Variants in TRPM3 observed in about 807,000 individuals in gnomAD.
The protein encoded by TRPM3 is transient receptor potential cation channel subfamily M member 3.
TRPM3 carries 77 observed loss-of-function variants against 181.2 expected under a neutral mutation model. The observed-to-expected ratio is 0.42, with a 90% CI of 0.35 to 0.51. The LOEUF is 0.51. Among genes scored for constraint, TRPM3 ranks in the 20% least tolerant of loss-of-function variants. TRPM3 has a pLI of 0.01. For synonymous variants in TRPM3, 745 were observed against 796.4 expected, an observed-to-expected ratio of 0.94 and a Z score of 1.09; for missense variants, 1,759 against 2,196.7, an observed-to-expected ratio of 0.80 and a Z score of 3.98.
chr9:71,077,793 T>C (rs374752804), intron 1 of TRPM3, among the ~76,000 whole-genome samples: 16 of 152,176 alleles, frequency 1.1e-4, no homozygotes, highest in African/African-American at 3.6e-4. Context: ...GCACTCCATA[T>C]GTGCTTGATA....
At chr9:71,190,325 C>T (rs1441703198) in intron 1 of TRPM3, among the ~76,000 whole-genome samples, 1 of 151,788 alleles carries the variant, frequency 6.6e-6, no homozygotes, top group African/African-American at 2.4e-5. Flanking sequence ...GTACAAATAC[C>T]TAAGTAAATA....
intron 1 of TRPM3, among the ~76,000 whole-genome samples, chr9:71,014,594 A>G (rs1392550296): frequency 6.6e-6 from 1 of 152,116 alleles, no homozygotes; most frequent in Non-Finnish European, 1.5e-5. Flanking sequence ...CTTTAGCATT[A>G]TAAAGCATCC....
At chr9:71,073,680 T>C (rs1396924025) in intron 1 of TRPM3, among the ~76,000 whole-genome samples, 2 of 152,206 alleles carry the variant, frequency 1.3e-5, no homozygotes, top group East Asian at 1.9e-4. Flanking sequence ...ATGTTATTTC[T>C]TGCATTGCGT....
At chr9:70,610,001 A>C (rs984109753) in intron 19 of TRPM3, among the ~76,000 whole-genome samples, 7 of 152,048 alleles carry the variant, frequency 4.6e-5, no homozygotes, top group African/African-American at 1.7e-4. Flanking sequence ...GGGACAATCC[A>C]CTCTTTTGTA....
intron 22 of TRPM3, among the ~76,000 whole-genome samples, chr9:70,578,279 G>A (rs80142393): frequency 0.024 from 3,411 of 140,524 alleles, 64 homozygotes; most frequent in Middle Eastern, 0.046. Flanking sequence ...TTGTGAGTGC[G>A]TCATGGTGCT....
chr9:70,665,053 C>A lies in TRPM3; in HGVS notation c.1345+16453G>T, dbSNP rs147296421. 2.0e-5 allele frequency among the ~76,000 whole-genome samples: 3 copies of A among 152,286 alleles called. No homozygotes were observed. The East Asian group carries it at 5.8e-4, about 30-fold the overall frequency. Reference sequence around the variant, plus strand: ...ACAGGCTGCTGATAGAATTGTAGCACCTGTCCTGACAGGTCAGGGCTGGCT... The same window carrying A: ...ACAGGCTGCTGATAGAATTGTAGCAACTGTCCTGACAGGTCAGGGCTGGCT... On this transcript the variant is annotated intron_variant, in intron 9 of 25. Transcript: ENST00000677713.
intron 1 of TRPM3, among the ~76,000 whole-genome samples, chr9:70,938,794 A>T (rs2096854880): frequency 6.6e-6 from 1 of 151,838 alleles, no homozygotes; most frequent in African/African-American, 2.4e-5. Context: ...CCACTAAAAA[A>T]TACACACAAA....
chr9:71,196,506 C>T (rs2078374474), intron 1 of TRPM3, among the ~76,000 whole-genome samples: 1 of 151,802 alleles, frequency 6.6e-6, no homozygotes. Flanking sequence ...CTAATACCTG[C>T]ATTTTCCATT....
At chr9:71,416,594 A>G (rs1175811747) in intron 1 of TRPM3, among the ~76,000 whole-genome samples, 1 of 151,986 alleles carries the variant, frequency 6.6e-6, no homozygotes, top group African/African-American at 2.4e-5. Context: ...TTTAAAAAAC[A>G]TAACCAGTAA....
chr9:71,177,863 CCTTA>C (rs777405934), intron 1 of TRPM3, among the ~76,000 whole-genome samples: 33 of 150,884 alleles, frequency 2.2e-4, no homozygotes, highest in Non-Finnish European at 4.0e-4. Context: ...TTTCTGTTTA[CCTTA>C]CTTTCCTTAA....
intron 1 of TRPM3, among the ~76,000 whole-genome samples, chr9:71,381,549 G>A (rs2092800980): frequency 6.6e-6 from 1 of 152,118 alleles, no homozygotes; most frequent in Admixed American, 6.6e-5. Flanking sequence ...AAATACGGTG[G>A]CACTAAAATA....
At chr9:71,382,869 TATA>T (rs1051458687) in intron 1 of TRPM3, among the ~76,000 whole-genome samples, 7 of 152,100 alleles carry the variant, frequency 4.6e-5, no homozygotes, top group African/African-American at 1.7e-4. Flanking sequence ...GGATGGTTTA[TATA>T]ATGTCTTCTC....
intron 1 of TRPM3, among the ~76,000 whole-genome samples, chr9:71,114,530 T>G (rs947845688): frequency 3.3e-5 from 5 of 152,230 alleles, no homozygotes; most frequent in African/African-American, 1.2e-4. Context: ...ATAATTATGC[T>G]TTTCCAAATG....
chr9:71,250,369 T>C (rs1484657423), intron 1 of TRPM3, among the ~76,000 whole-genome samples: 1 of 152,236 alleles, frequency 6.6e-6, no homozygotes, highest in African/African-American at 2.4e-5. Flanking sequence ...ATTTTATTTA[T>C]GAATTCATTT....
chr9:70,557,032 C>T (rs973324152), intron 22 of TRPM3, among the ~76,000 whole-genome samples: 6 of 152,152 alleles, frequency 3.9e-5, no homozygotes, highest in African/African-American at 7.2e-5. Context: ...CTAAGAATAG[C>T]GCTTACTCTA....
intron 1 of TRPM3, among the ~76,000 whole-genome samples, chr9:71,357,362 G>A (rs912885870): frequency 6.6e-6 from 1 of 152,068 alleles, no homozygotes; most frequent in African/African-American, 2.4e-5. Context: ...TTCTTCAAGC[G>A]CCATTATCCC....
chr9:71,209,361 G>T (rs1002405531), intron 1 of TRPM3, among the ~76,000 whole-genome samples: 1 of 100,984 alleles, frequency 9.9e-6, no homozygotes, highest in Non-Finnish European at 2.2e-5. Context: ...GAGGCAATGA[G>T]GGGGTGGGGG....
intron 1 of TRPM3, among the ~76,000 whole-genome samples, chr9:70,883,771 T>A (rs2096038419): frequency 6.6e-6 from 1 of 152,214 alleles, no homozygotes; most frequent in South Asian, 2.1e-4. Context: ...CGAGGGGCGA[T>A]GAGACTTGCT....
intron 1 of TRPM3, among the ~76,000 whole-genome samples, chr9:70,911,371 CTTTCA>C (rs1220981796): frequency 3.9e-5 from 6 of 152,152 alleles, no homozygotes; most frequent in Admixed American, 3.3e-4. Context: ...TTAGGTGATC[CTTTCA>C]TTTATCTTAT....
Sources: allele counts gnomAD v4.1 joint callset (sites outside exome capture counted in the v4.1 genomes callset), GRCh38; gene constraint gnomAD v4.1.1; transcripts MANE v1.5; gene names NCBI Gene and HGNC (gene_info 2026-07-23, HGNC 2026-07-21).